The following ZBTB43 variants were observed in gnomAD, a reference collection of about 807,000 sequenced individuals.
ZBTB43 encodes the protein zinc finger and BTB domain containing 43.
A neutral mutation model predicts 31.1 loss-of-function variants in ZBTB43; 6 were observed. The ratio of observed to expected loss-of-function variants is 0.19; its 90% CI spans 0.11 to 0.38. ZBTB43 has a LOEUF of 0.38. Ranked by LOEUF, ZBTB43 falls within the 10% of genes least tolerant of loss-of-function variation. ZBTB43 has a pLI of 1.00. For synonymous variants in ZBTB43, 212 were observed against 221.7 expected (o/e 0.96, Z 0.39); for missense variants, 379 against 602.1 (o/e 0.63, Z 3.88).
chr9:126,819,824 T>C (rs1308738687), intron 2 of ZBTB43, among the ~76,000 whole-genome samples: 1 of 152,198 alleles, frequency 6.6e-6, no homozygotes, highest in Non-Finnish European at 1.5e-5. Context: ...GGAAAAGTTA[T>C]TGAAGGAAAT....
upstream of ZBTB43, among the ~76,000 whole-genome samples, chr9:126,804,251 T>A (rs757677724): frequency 3.9e-5 from 6 of 152,036 alleles, no homozygotes; most frequent in Non-Finnish European, 7.4e-5. Context: ...AGAGAGATCG[T>A]TTCTGTCCCA....
At chr9:126,829,163 A>G (rs1225029104) in intron 2 of ZBTB43, among the ~76,000 whole-genome samples, 1 of 152,150 alleles carries the variant, frequency 6.6e-6, no homozygotes, top group Non-Finnish European at 1.5e-5. Flanking sequence ...AAATTTTTTA[A>G]AAACATTAGC....
intron 2 of ZBTB43, among the ~76,000 whole-genome samples, chr9:126,810,186 GTTTA>G (rs759714497): frequency 3.0e-4 from 46 of 150,896 alleles, no homozygotes; most frequent in African/African-American, 9.0e-4. Flanking sequence ...TCATTTGTTT[GTTTA>G]TTTGTTTGTT....
chr9:126,820,375 C>G (rs1389608389), intron 2 of ZBTB43, among the ~76,000 whole-genome samples: 1 of 152,104 alleles, frequency 6.6e-6, no homozygotes, highest in Non-Finnish European at 1.5e-5. Context: ...AATCCTAGGG[C>G]CCTTAAGAAT....
At chr9:126,818,342 C>G (rs1333191573) in intron 2 of ZBTB43, among the ~76,000 whole-genome samples, 2 of 151,646 alleles carry the variant, frequency 1.3e-5, no homozygotes, top group Non-Finnish European at 2.9e-5. Flanking sequence ...CTGTGTCGTC[C>G]AGGCTGGACT....
intron 2 of ZBTB43, among the ~76,000 whole-genome samples, chr9:126,824,258 C>G (rs2032581563): frequency 6.6e-6 from 1 of 152,232 alleles, no homozygotes; most frequent in Non-Finnish European, 1.5e-5. Context: ...ACTTCTGACT[C>G]AAATGATCCA....
chr9:126,829,422 A>G (rs908360539), intron 2 of ZBTB43, among the ~76,000 whole-genome samples: 8 of 152,248 alleles, frequency 5.3e-5, no homozygotes, highest in Non-Finnish European at 1.2e-4. Flanking sequence ...AACTGCTTAC[A>G]TTACGATACA....
Position 126,832,515 on chromosome 9 carries a change from G to T in ZBTB43, c.6G>T (p.Glu2Asp). The T allele has an allele frequency of 6.2e-7, 1 of 1,603,932 alleles. No homozygotes were observed. Among genetic ancestry groups the T allele is most frequent in the East Asian group, 2.2e-5 (1 of 44,576 alleles). ...CGAACAAGATTTGTGATGAAATGGA[G>T]CCTGGAACAAACTCTTTTCGGGTAG... Reference protein sequence around the residue: MEPGTNSFRVEF... With the variant: MDPGTNSFRVEF... Residue 2 changes from glutamate to aspartate, a missense_variant, in exon 3 of 3, where the codon GAG becomes GAT. Physicochemically the swap from Glu to Asp is conservative, Grantham distance 45. Coordinates refer to ENST00000373464, the MANE Select transcript of ZBTB43 (RefSeq NM_014007.4).
At chr9:126,815,611 T>G (rs548084253) in intron 2 of ZBTB43, among the ~76,000 whole-genome samples, 228 of 151,716 alleles carry the variant, frequency 1.5e-3, no homozygotes, top group Middle Eastern at 3.4e-3. Flanking sequence ...AATGTATGTT[T>G]GTTTTTTAAA....
At position 126,837,158 on chromosome 9, in the gene ZBTB43, GTTACAGT is replaced by G; in HGVS notation, c.*3246_*3252del. ...CATGCTTTTACCTTTAGATACACAC[GTTACAGT>G]AATCCACGTGGTGAAGTGCATGTCA... On this transcript the variant is annotated 3_prime_UTR_variant, in exon 3 of 3. Coordinates refer to ENST00000373464, the MANE Select transcript of ZBTB43 (RefSeq NM_014007.4). 1 of 166,898 alleles carries G rather than the reference GTTACAGT, an allele frequency of 6.0e-6. No homozygotes were observed. The highest frequency in any genetic ancestry group is 1.5e-5 in the Non-Finnish European group (1 of 68,066). 10.3% of individuals were successfully genotyped at this position (166,898 alleles called of 1,614,324 possible).
upstream of ZBTB43, among the ~76,000 whole-genome samples, chr9:126,804,783 C>T (rs1255605559): frequency 1.3e-5 from 2 of 152,260 alleles, no homozygotes; most frequent in Admixed American, 1.3e-4. Flanking sequence ...CCGCGCCTGG[C>T]CTATGCCAAG....
At chr9:126,826,240 G>A (rs2032632493) in intron 2 of ZBTB43, among the ~76,000 whole-genome samples, 1 of 151,372 alleles carries the variant, frequency 6.6e-6, no homozygotes. Flanking sequence ...TGGAACTCCT[G>A]ACCTCAGGTG....
chr9:126,823,303 A>G (rs755180583), intron 2 of ZBTB43, among the ~76,000 whole-genome samples: 1 of 152,144 alleles, frequency 6.6e-6, no homozygotes, highest in South Asian at 2.1e-4. Context: ...TTAGGTGTGT[A>G]TATGTTTATA....
intron 2 of ZBTB43, among the ~76,000 whole-genome samples, chr9:126,813,444 C>T (rs1228918140): frequency 6.6e-6 from 1 of 152,166 alleles, no homozygotes; most frequent in African/African-American, 2.4e-5. Flanking sequence ...ATGTAGACGT[C>T]TCATTCGGCT....
In ZBTB43 at chr9:126,833,434, A is replaced by G. The variant is rs1305020334; in HGVS notation, c.925A>G (p.Ser309Gly). 1.9e-6 allele frequency: 3 copies of G among 1,614,090 alleles called. No homozygotes were observed. Among genetic ancestry groups the G allele is most frequent in the African/African-American group, 2.7e-5 (2 of 74,934 alleles). The part of the protein sequence containing the change: ...EAEFDEQADE[S>G]NYDEQVDFYG... ...TGAGTTTGATGAACAGGCTGATGAA[A>G]GCAATTATGATGAGCAGGTGGATTT... Residue 309 changes from serine (S) to glycine (G), a missense_variant, in exon 3 of 3, where the codon AGC becomes GGC. Ser to Gly is a moderately conservative substitution (Grantham distance 56). Coordinates refer to ENST00000373464, the MANE Select transcript of ZBTB43 (RefSeq NM_014007.4). The surrounding 1 kb of genome is among the most constrained non-coding windows in gnomAD (Gnocchi z 7.9).
At chr9:126,806,565 C>T (rs1424310371) in intron 1 of ZBTB43, among the ~76,000 whole-genome samples, 3 of 152,108 alleles carry the variant, frequency 2.0e-5, no homozygotes, top group African/African-American at 7.2e-5. Flanking sequence ...GATGATTGCA[C>T]AACATTGTGA....
Position 126,837,539 on chromosome 9 carries a change from CT to C in ZBTB43, c.*3627del, listed in dbSNP as rs1412600651. 6.0e-6 allele frequency: 1 copy of C among 167,146 alleles called. No individual in the cohort carries two copies. The highest frequency in any genetic ancestry group is 6.5e-5 in the Admixed American group (1 of 15,290). The allele number at this position is 167,146 out of a possible 1,614,324, so 10.4% of individuals were successfully genotyped here. A position where few individuals can be genotyped will look rare whatever the true frequency, so the allele number is the denominator to read the frequency against. On this transcript the variant is annotated 3_prime_UTR_variant, in exon 3 of 3. Coordinates refer to ENST00000373464, the MANE Select transcript of ZBTB43 (RefSeq NM_014007.4). ...CCTGGGGAAGGGGATGTGCTGCGGC[CT>C]CCTGGGTGGGCGTGGAGAGGGCGCC...
chr9:126,833,189 A>G lies in ZBTB43; in HGVS notation c.680A>G (p.Tyr227Cys), dbSNP rs1327608591. The change falls in exon 3 of 3, where the codon TAC becomes TGC. Residue 227 changes from tyrosine to cysteine, a missense_variant. By Grantham distance (194) the Tyr-to-Cys change is radical (BLOSUM62 -2). Around this residue, in one of 5 missense-constraint regions of ZBTB43, gnomAD observed 253 missense variants for 322.3 expected, o/e 0.79. Coordinates refer to ENST00000373464, the MANE Select transcript of ZBTB43 (RefSeq NM_014007.4). This position sits in a 1 kb window ranked among gnomAD's most constrained non-coding sequence, Gnocchi z 7.9. ...GCCAGCGACAGCGCCGAGTTCCACT[A>G]CACCCGGCCCATGTACAGCAAGCCC... ...EGASDSAEFH[Y>C]TRPMYSKPSI... 1.9e-6 allele frequency: 3 copies of G among 1,613,686 alleles called. No homozygotes were observed. Among genetic ancestry groups the G allele is most frequent in the Non-Finnish European group, 2.5e-6 (3 of 1,180,040 alleles).
rs973665042 is a variant in ZBTB43, at chr9:126,835,161, C to T, written c.*1248C>T. 4 of 166,886 alleles carry T rather than the reference C, an allele frequency of 2.4e-5. No homozygotes were observed. The highest frequency in any genetic ancestry group is 9.7e-5 in the African/African-American group (4 of 41,380). 10.3% of individuals were successfully genotyped at this position (166,886 alleles called of 1,614,324 possible). Reference sequence around the variant, plus strand: ...TAGCAAGGTAGTCTACAGAACCATGCTCCCACATTATAGATAAAGCTGCTT... The same window carrying T: ...TAGCAAGGTAGTCTACAGAACCATGTTCCCACATTATAGATAAAGCTGCTT... On this transcript the variant is annotated 3_prime_UTR_variant, in exon 3 of 3. Coordinates refer to ENST00000373464, the MANE Select transcript of ZBTB43 (RefSeq NM_014007.4).
Sources: allele counts gnomAD v4.1 joint callset (sites outside exome capture counted in the v4.1 genomes callset), GRCh38; gene constraint gnomAD v4.1.1; regional missense constraint gnomAD v4.1.1; non-coding constraint Gnocchi (gnomAD v3.1); transcripts MANE v1.5; gene names NCBI Gene and HGNC (gene_info 2026-07-23, HGNC 2026-07-21).